The following AGAP3 variants were observed in gnomAD, a reference collection of about 807,000 sequenced individuals.
AGAP3 encodes arf-GAP with GTPase, ANK repeat and PH domain-containing protein 3.
A neutral mutation model predicts 96.9 loss-of-function variants in AGAP3; 24 were observed. The observed-to-expected ratio is 0.25, with a 90% CI of 0.18 to 0.35. AGAP3 has a LOEUF of 0.35. Ranked by LOEUF, AGAP3 falls within the 10% of genes least tolerant of loss-of-function variation. The pLI is 1.00. For synonymous variants in AGAP3, 563 were observed against 536.1 expected (o/e 1.05, Z -0.69); for missense variants, 876 against 1,254.2 (o/e 0.70, Z 4.55).
At chr7:151,123,047 C>CGAGG in intron 8 of AGAP3, 1 of 1,307,266 alleles carries the variant, frequency 7.6e-7, no homozygotes, top group Non-Finnish European at 9.7e-7. Context: ...GGCCCCACGC[C>CGAGG]CGGCGCTGGC....
Position 151,143,804 on chromosome 7 carries a change from G to A in AGAP3, c.2597G>A (p.Gly866Asp). The change falls in exon 18 of 18, where the codon GGC (glycine) becomes GAC (aspartate). Residue 866 changes from glycine (G) to aspartate (D), a missense_variant. By Grantham distance (94) the Gly-to-Asp change is moderately conservative. Around this residue, in one of 8 missense-constraint regions of AGAP3, gnomAD observed 213 missense variants for 253.8 expected, o/e 0.84. Coordinates refer to ENST00000397238, the MANE Select transcript of AGAP3 (RefSeq NM_031946.7). The surrounding 1 kb of genome is among the most constrained non-coding windows in gnomAD (Gnocchi z 5.9). ...CCACTGGCATATGCTCGCCGGGCCGGCAGCCAGGAGTGTGCAGACATCTTG... is the reference window on the plus strand; with the variant it reads ...CCACTGGCATATGCTCGCCGGGCCGACAGCCAGGAGTGTGCAGACATCTTG... ...LTPLAYARRA[G>D]SQECADILIQ... is the part of the protein sequence containing the mutation. 2 of 1,614,124 alleles carry A rather than the reference G, an allele frequency of 1.2e-6. No homozygotes were observed. The highest frequency in any genetic ancestry group is 1.7e-6 in the Non-Finnish European group (2 of 1,180,050).
intron 1 of AGAP3, chr7:151,115,557 T>C: frequency 3.6e-6 from 4 of 1,122,238 alleles, no homozygotes; most frequent in Non-Finnish European, 4.3e-6. Flanking sequence ...CACGAGCCGC[T>C]TCCGCCGGAG....
intron 1 of AGAP3, among the ~76,000 whole-genome samples, chr7:151,092,847 C>T (rs958734192): frequency 2.0e-5 from 3 of 152,056 alleles, no homozygotes; most frequent in Non-Finnish European, 2.9e-5. Flanking sequence ...ACCACATCAG[C>T]CCTTAAAAGC....
At chr7:151,097,729 G>A (rs888908009) in intron 1 of AGAP3, among the ~76,000 whole-genome samples, 35 of 151,884 alleles carry the variant, frequency 2.3e-4, no homozygotes, top group African/African-American at 8.5e-4. Flanking sequence ...GCCGCAGTGG[G>A]GACAGCACTC....
At position 151,086,893 on chromosome 7, in the gene AGAP3, A is replaced by T. The variant is rs1798177179; in HGVS notation, c.152A>T (p.Gln51Leu). ...PGAGGGGGPSQQLAGGPPQQF... is the reference protein window; with the variant it reads ...PGAGGGGGPSLQLAGGPPQQF... ...GCCGGGGGCGGCGGCGGCCCCTCGC[A>T]GCAGCTGGCCGGCGGGCCCCCCCAG... The change falls in exon 1 of 18, where the codon CAG becomes CTG. Residue 51 changes from glutamine (Q) to leucine (L), a missense_variant. Physicochemically the swap from Gln to Leu is moderately radical, Grantham distance 113. Around this residue, in one of 8 missense-constraint regions of AGAP3, gnomAD observed 62 missense variants for 82.8 expected, o/e 0.75. Transcript: ENST00000397238. The T allele has an allele frequency of 7.0e-7, 1 of 1,429,612 alleles. No individual in the cohort carries two copies. The highest frequency in any genetic ancestry group is 1.5e-5 in the African/African-American group (1 of 68,032). 88.6% of individuals were successfully genotyped at this position (1,429,612 alleles called of 1,614,324 possible). A position where few individuals can be genotyped will look rare whatever the true frequency, so the allele number is the denominator to read the frequency against.
rs1800927067 is a variant in AGAP3 at position 151,144,003 on chromosome 7, G to A, written c.*60G>A. On this transcript the variant is annotated 3_prime_UTR_variant, in exon 18 of 18. Coordinates refer to ENST00000397238, the MANE Select transcript of AGAP3 (RefSeq NM_031946.7). ...CCATGGCCCAAAGACCCTCCTCCCT[G>A]CAGGCACTGTGGGAACAGACACAGA... is the stretch of plus-strand genomic sequence containing the variant. 8 of 1,511,524 alleles carry A rather than the reference G, an allele frequency of 5.3e-6. No individual in the cohort carries two copies. Among genetic ancestry groups the A allele is most frequent in the Non-Finnish European group, 7.3e-6 (8 of 1,098,546 alleles). 93.6% of individuals were successfully genotyped at this position (1,511,524 alleles called of 1,614,324 possible). A position where few individuals can be genotyped will look rare whatever the true frequency, so the allele number is the denominator to read the frequency against.
intron 9 of AGAP3, among the ~76,000 whole-genome samples, chr7:151,127,817 C>T (rs1248840424): frequency 6.6e-6 from 1 of 152,204 alleles, no homozygotes. Flanking sequence ...GGGTCTACCT[C>T]CTGCATTCGT....
chr7:151,104,932 C>T (rs1292381276), intron 1 of AGAP3, among the ~76,000 whole-genome samples: 1 of 152,172 alleles, frequency 6.6e-6, no homozygotes, highest in Non-Finnish European at 1.5e-5. Context: ...AGAGCCAACC[C>T]AGTGGCCTGG....
chr7:151,094,273 G>A (rs62490309), intron 1 of AGAP3, among the ~76,000 whole-genome samples: 7 of 152,042 alleles, frequency 4.6e-5, no homozygotes, highest in Admixed American at 6.6e-5. Flanking sequence ...TGTTTATTAC[G>A]TGCCGCCTTG....
At chr7:151,112,495 C>T (rs1320800490) in intron 1 of AGAP3, among the ~76,000 whole-genome samples, 1 of 151,900 alleles carries the variant, frequency 6.6e-6, no homozygotes, top group Non-Finnish European at 1.5e-5. Context: ...TGTTCTCCCA[C>T]TGAAAGAGGC....
chr7:151,126,093 C>A (rs1417008654), intron 9 of AGAP3, among the ~76,000 whole-genome samples: 4 of 144,586 alleles, frequency 2.8e-5, no homozygotes, highest in Admixed American at 2.8e-4. Flanking sequence ...CCGGTCGTTC[C>A]GCCCGCGCCC....
intron 8 of AGAP3, chr7:151,120,662 T>G: frequency 1.6e-6 from 2 of 1,279,700 alleles, no homozygotes; most frequent in South Asian, 2.5e-5. Context: ...ATTCATGCTT[T>G]CCACCCACCG....
chr7:151,122,964 C>T (rs950815693), intron 8 of AGAP3: 2 of 1,433,818 alleles, frequency 1.4e-6, no homozygotes, highest in South Asian at 1.5e-5. Context: ...GCGCCGGAGC[C>T]CGCGCTGGGG....
chr7:151,118,359 G>A lies in AGAP3; in HGVS notation c.841+15G>A, dbSNP rs548016086. The A allele has an allele frequency of 1.3e-5, 21 of 1,604,688 alleles. No individual in the cohort carries two copies. The highest frequency in any genetic ancestry group is 1.7e-4 in the Middle Eastern group (1 of 6,036). On this transcript the variant is annotated intron_variant, in intron 6 of 17. Transcript: ENST00000397238. This position sits in a 1 kb window ranked among gnomAD's most constrained non-coding sequence, Gnocchi z 6.1. ...CTTCCAGGACGGTAACTCGGGTGCC[G>A]GGTGGGAGTCACTGGCAGCCGCGGC... is the stretch of plus-strand genomic sequence containing the variant.
chr7:151,122,035 C>T (rs1366803892), intron 8 of AGAP3, among the ~76,000 whole-genome samples: 2 of 152,252 alleles, frequency 1.3e-5, no homozygotes, highest in Non-Finnish European at 2.9e-5. Flanking sequence ...CAGTTCCTGT[C>T]CGCATGGGGA....
At chr7:151,116,766 C>G (rs1219734745) in intron 1 of AGAP3, 27 bp from the exon 2 acceptor site, 5 of 1,613,986 alleles carry the variant, frequency 3.1e-6, no homozygotes, top group Non-Finnish European at 4.2e-6. Flanking sequence ...CACCCTGGCC[C>G]TGACGGGGCG....
chr7:151,104,127 A>C (rs1490941625), intron 1 of AGAP3, among the ~76,000 whole-genome samples: 3 of 152,058 alleles, frequency 2.0e-5, no homozygotes, highest in African/African-American at 7.2e-5. Flanking sequence ...ACAACTGTTC[A>C]CCTGATGGTT....
At position 151,144,184 on chromosome 7, in the gene AGAP3, T is replaced by C; in HGVS notation, c.*241T>C. 3 of 540,106 alleles carry C rather than the reference T, an allele frequency of 5.6e-6. No individual in the cohort carries two copies. Among genetic ancestry groups the C allele is most frequent in the Non-Finnish European group, 9.8e-6 (3 of 305,196 alleles). 33.5% of individuals were successfully genotyped at this position (540,106 alleles called of 1,614,324 possible). On this transcript the variant is annotated 3_prime_UTR_variant, in exon 18 of 18. Transcript: ENST00000397238. Reference sequence around the variant, plus strand: ...GTGCCATTGAAAAGGGACAGGACCCTTCGGAGGTGCCTGTGAGGAGAGGGG... The same window carrying C: ...GTGCCATTGAAAAGGGACAGGACCCCTCGGAGGTGCCTGTGAGGAGAGGGG...
At chr7:151,102,710 G>A (rs543833855) in intron 1 of AGAP3, among the ~76,000 whole-genome samples, 46 of 152,056 alleles carry the variant, frequency 3.0e-4, no homozygotes, top group South Asian at 6.2e-4. Flanking sequence ...CTGCATCCCA[G>A]GCTCAGGTGA....
Sources: gnomAD v4.1 joint callset for allele counts (sites outside exome capture counted in the v4.1 genomes callset) on GRCh38, gnomAD v4.1.1 for gene constraint, gnomAD v4.1.1 regional missense constraint, Gnocchi (gnomAD v3.1) non-coding constraint, MANE v1.5 for transcripts, NCBI Gene and HGNC (gene_info 2026-07-23, HGNC 2026-07-21) for gene names.